FARSB: variants seen among roughly 807,000 people sequenced by gnomAD.
The protein encoded by FARSB is phenylalanyl-tRNA synthetase subunit beta, also known as phenylalanine--tRNA ligase beta subunit.
Under a neutral mutation model 69.6 loss-of-function variants are expected in FARSB, and 40 were observed. That is an observed-to-expected ratio of 0.57 (90% CI 0.45 to 0.75). The LOEUF is 0.75. Among genes scored for constraint, FARSB ranks in the 30% least tolerant of loss-of-function variants. The probability of loss-of-function intolerance (pLI) is 0.00; values close to 1 mark genes in which losing one functional copy is unlikely to be tolerated. For synonymous variants in FARSB, 235 were observed against 247.2 expected (o/e 0.95, Z 0.46); for missense variants, 632 against 722.9 (o/e 0.87, Z 1.44).
At chr2:222,640,578 G>A (rs986339914) in intron 4 of FARSB, among the ~76,000 whole-genome samples, 7 of 151,854 alleles carry the variant, frequency 4.6e-5, no homozygotes, top group African/African-American at 1.5e-4. Flanking sequence ...GCAACATGGT[G>A]AAACCCCATT....
rs1255609430 is a variant in FARSB at position 222,573,949 on chromosome 2, CTT to C, written c.1619-1929_1619-1928del. ...CAATGTTCAGGATCTTCCCTGATAA[CTT>C]TACTGTGTTTAAGAATCCTCATTGT... On this transcript the variant is annotated intron_variant, in intron 16 of 16. Transcript: ENST00000281828. 2.6e-5 allele frequency among the ~76,000 whole-genome samples: 4 copies of C among 152,322 alleles called. 1 individual carries two copies. The highest frequency in any genetic ancestry group is 3.4e-3 in the Middle Eastern group (1 of 294).
intron 2 of FARSB, among the ~76,000 whole-genome samples, chr2:222,648,374 G>A (rs1171925420): frequency 6.6e-6 from 1 of 152,208 alleles, no homozygotes; most frequent in South Asian, 2.1e-4. Flanking sequence ...CGCTGGAAGT[G>A]AAGGAGGCAG....
chr2:222,601,735 T>C (rs1690566205), intron 15 of FARSB, among the ~76,000 whole-genome samples: 1 of 152,172 alleles, frequency 6.6e-6, no homozygotes, highest in Non-Finnish European at 1.5e-5. Context: ...AATATAAAAG[T>C]GCACTGCAGC....
At chr2:222,641,117 A>G (rs1691709730) in intron 3 of FARSB, among the ~76,000 whole-genome samples, 186 bp from the exon 4 acceptor site, 1 of 151,968 alleles carries the variant, frequency 6.6e-6, no homozygotes, top group Non-Finnish European at 1.5e-5. Flanking sequence ...ACTTTTTAAC[A>G]TTTAAAGTTG....
At chr2:222,593,537 G>T (rs2894470) in intron 16 of FARSB, among the ~76,000 whole-genome samples, 132,442 of 152,170 alleles carry the variant, frequency 0.87, 57,812 homozygotes, top group East Asian at 0.97. Context: ...TAGTTTATAT[G>T]TTACTATTTA....
intron 10 of FARSB, among the ~76,000 whole-genome samples, chr2:222,625,303 T>C (rs1691241599): frequency 6.6e-6 from 1 of 152,224 alleles, no homozygotes; most frequent in Non-Finnish European, 1.5e-5. Flanking sequence ...TCCACCGTAT[T>C]AGTGAGGTGA....
Position 222,630,165 on chromosome 2 carries a change from C to A in FARSB, c.796G>T (p.Val266Phe), listed in dbSNP as rs1691382236. 2.6e-6 allele frequency: 4 copies of A among 1,522,204 alleles called. No individual in the cohort carries two copies. Among genetic ancestry groups the A allele is most frequent in the Non-Finnish European group, 3.5e-6 (4 of 1,129,288 alleles). The allele number at this position is 1,522,204 out of a possible 1,614,324, so 94.3% of individuals were successfully genotyped here. ...TGTDFTKAKIVLDIIVTMFSE... is the reference protein window; with the variant it reads ...TGTDFTKAKIFLDIIVTMFSE... The stretch of plus-strand genomic sequence containing the variant: ...AACATGGTGACAATAATATCAAGAA[C>A]TATTTTTGCCTGCAAAGAAAAGAAA... The change falls in exon 9 of 17, where the codon GTT (valine) becomes TTT (phenylalanine). Residue 266 changes from valine to phenylalanine, a missense_variant. Transcript: ENST00000281828.
chr2:222,572,372 G>GA (rs1368579974), intron 16 of FARSB, among the ~76,000 whole-genome samples: 2 of 151,976 alleles, frequency 1.3e-5, no homozygotes, highest in Non-Finnish European at 2.9e-5. Flanking sequence ...AGGCCAAAAG[G>GA]AAAAAAATGA....
Position 222,642,923 on chromosome 2 carries a change from T to A in FARSB, c.197A>T (p.Asp66Val). 1 of 1,612,766 alleles carries A rather than the reference T, an allele frequency of 6.2e-7. No individual in the cohort carries two copies. The highest frequency in any genetic ancestry group is 8.5e-7 in the Non-Finnish European group (1 of 1,178,780). Residue 66 changes from aspartate (D) to valine (V), a missense_variant, in exon 3 of 17, where the codon GAC (aspartate) becomes GTC (valine). Physicochemically the swap from Asp to Val is radical, Grantham distance 152 (BLOSUM62 -3). Coordinates refer to ENST00000281828, the MANE Select transcript of FARSB (RefSeq NM_005687.5). Reference protein sequence around the residue: ...GASDVVLYKIDVPANRYDLLC... With the variant: ...GASDVVLYKIVVPANRYDLLC... ...GAGATCATATCTATTGGCAGGGACGTCAATTTTGTAAAGAACAACATCAGA... is the reference window on the plus strand; with the variant it reads ...GAGATCATATCTATTGGCAGGGACGACAATTTTGTAAAGAACAACATCAGA...
chr2:222,649,234 TAAAAAAAAAAAAA>T (rs71961708), intron 1 of FARSB, among the ~76,000 whole-genome samples: 5 of 88,296 alleles, frequency 5.7e-5, no homozygotes, highest in Non-Finnish European at 8.4e-5. Flanking sequence ...CTCAAAAAAT[TAAAAAAAAAAAAA>T]AAAAAAAAAA....
Position 222,571,628 on chromosome 2 carries a change from C to G in FARSB, c.*243G>C. ...TCCTGCACTCTGCTAGTGCATTTCT[C>G]CAGCACTCCACGGGGCTTTTACCCA... On this transcript the variant is annotated 3_prime_UTR_variant, in exon 17 of 17. Transcript: ENST00000281828. 2.5e-6 allele frequency: 1 copy of G among 393,760 alleles called. No individual in the cohort carries two copies. The highest frequency in any genetic ancestry group is 4.6e-6 in the Non-Finnish European group (1 of 218,636). The allele number at this position is 393,760 out of a possible 1,614,324, so 24.4% of individuals were successfully genotyped here.
intron 15 of FARSB, among the ~76,000 whole-genome samples, chr2:222,604,687 C>G (rs1398758174): frequency 6.7e-6 from 1 of 149,758 alleles, no homozygotes; most frequent in East Asian, 1.9e-4. Flanking sequence ...TCCTGAGTAG[C>G]TGGGAGTACA....
chr2:222,641,411 C>T (rs989560536), intron 3 of FARSB, among the ~76,000 whole-genome samples: 1 of 152,172 alleles, frequency 6.6e-6, no homozygotes, highest in Admixed American at 6.5e-5. Context: ...ATTTTGAAGG[C>T]ATCTCTAGGG....
chr2:222,616,020 C>A, intron 14 of FARSB, among the ~76,000 whole-genome samples: 1 of 152,096 alleles, frequency 6.6e-6, no homozygotes, highest in East Asian at 1.9e-4. Flanking sequence ...ATTTAAAAAC[C>A]TACAGAAATA....
At chr2:222,578,000 G>C (rs571983194) in intron 16 of FARSB, among the ~76,000 whole-genome samples, 1 of 152,250 alleles carries the variant, frequency 6.6e-6, no homozygotes, top group South Asian at 2.1e-4. Context: ...CCAGCTAATT[G>C]TAACTTTAAA....
At chr2:222,591,197 G>A (rs867235764) in intron 16 of FARSB, among the ~76,000 whole-genome samples, 3 of 145,360 alleles carry the variant, frequency 2.1e-5, no homozygotes, top group Non-Finnish European at 4.5e-5. Context: ...GTAACAGAGT[G>A]AGACCCTGTC....
chr2:222,613,846 TCAAA>T lies in FARSB; in HGVS notation c.1423_1426del (p.Phe475LysfsTer6). 1 of 1,610,466 alleles carries T rather than the reference TCAAA, an allele frequency of 6.2e-7. No individual in the cohort carries two copies. The highest frequency in any genetic ancestry group is 8.5e-7 in the Non-Finnish European group (1 of 1,176,656). On this transcript the variant is annotated frameshift_variant, in exon 15 of 17. Coordinates refer to ENST00000281828, the MANE Select transcript of FARSB (RefSeq NM_005687.5). LOFTEE classifies it high-confidence loss of function. ...ATCTTTTATTACAATGTCAGAGATTTCAAACAGTTTCAGTGGAAGGGGCATCTTA... is the reference window on the plus strand; with the variant it reads ...ATCTTTTATTACAATGTCAGAGATTTCAGTTTCAGTGGAAGGGGCATCTTA...
intron 5 of FARSB, 30 bp from the exon 6 acceptor site, chr2:222,634,571 G>T: frequency 6.4e-7 from 1 of 1,563,456 alleles, no homozygotes. Flanking sequence ...GGGAGAAGGA[G>T]GGAGGAAAGG....
At chr2:222,652,750 A>G (rs572837154) in intron 1 of FARSB, among the ~76,000 whole-genome samples, 4 of 152,202 alleles carry the variant, frequency 2.6e-5, no homozygotes, top group Non-Finnish European at 5.9e-5. Context: ...ACAGATCCAG[A>G]GCAAAAACCA....
Sources: allele counts gnomAD v4.1 joint callset (sites outside exome capture counted in the v4.1 genomes callset), GRCh38; gene constraint gnomAD v4.1.1; transcripts MANE v1.5; gene names NCBI Gene and HGNC (gene_info 2026-07-23, HGNC 2026-07-21).